ARK2C: variants seen among roughly 807,000 people sequenced by gnomAD.
ARK2C encodes arkadia (RNF111) C-terminal like ring finger ubiquitin ligase 2C.
chr18:46,377,197 A>G, the ARK2C span, among the ~76,000 whole-genome samples: 22 of 152,218 alleles, frequency 1.4e-4, no homozygotes, highest in Admixed American at 7.2e-4. Flanking sequence ...TATATAATGT[A>G]CCCCTTTTAA....
At chr18:46,389,313 G>A in the ARK2C span, among the ~76,000 whole-genome samples, 1 of 152,234 alleles carries the variant, frequency 6.6e-6, no homozygotes, top group East Asian at 1.9e-4. Context: ...ATTTACTTAT[G>A]TGCATCTTTC....
the ARK2C span, chr18:46,334,430 C>T: frequency 4.6e-6 from 5 of 1,089,190 alleles, no homozygotes; most frequent in African/African-American, 3.3e-5. This position sits in a 1 kb window ranked among gnomAD's most constrained non-coding sequence, Gnocchi z 4.4. Context: ...GGGCTCAGGG[C>T]ACACCCGCGA....
At chr18:46,402,075 G>T in the ARK2C span, among the ~76,000 whole-genome samples, 1 of 152,202 alleles carries the variant, frequency 6.6e-6, no homozygotes, top group Non-Finnish European at 1.5e-5. Context: ...GTTTTGTGAG[G>T]CAATCCACCC....
chr18:46,370,533 A>T, the ARK2C span, among the ~76,000 whole-genome samples: 1 of 152,122 alleles, frequency 6.6e-6, no homozygotes, highest in South Asian at 2.1e-4. Flanking sequence ...TAGGGAAAAC[A>T]TTGTGTTCAG....
At chr18:46,428,080 G>A in the ARK2C span, among the ~76,000 whole-genome samples, 3 of 152,120 alleles carry the variant, frequency 2.0e-5, no homozygotes, top group African/African-American at 7.2e-5. Context: ...GCTTGGAGGG[G>A]GTCTGTGGGA....
At chr18:46,422,415 A>G in the ARK2C span, among the ~76,000 whole-genome samples, 1 of 152,228 alleles carries the variant, frequency 6.6e-6, no homozygotes, top group African/African-American at 2.4e-5. Context: ...ACAGGAAACA[A>G]GATTCTGAGC....
the ARK2C span, among the ~76,000 whole-genome samples, chr18:46,417,832 C>T: frequency 4.0e-4 from 60 of 151,864 alleles, no homozygotes; most frequent in Admixed American, 1.4e-3. Context: ...GGTGAAACCC[C>T]GTCTCTACTA....
chr18:46,343,781 C>A, the ARK2C span, among the ~76,000 whole-genome samples: 1 of 152,176 alleles, frequency 6.6e-6, no homozygotes, highest in East Asian at 1.9e-4. Context: ...TCAGTAGGCA[C>A]GTGAACTTCC....
the ARK2C span, among the ~76,000 whole-genome samples, chr18:46,398,388 G>A: frequency 6.6e-6 from 1 of 151,916 alleles, no homozygotes. Flanking sequence ...TGAAGTGTGT[G>A]TCAAGTGCCC....
the ARK2C span, among the ~76,000 whole-genome samples, chr18:46,441,946 C>T: frequency 1.3e-5 from 2 of 149,346 alleles, no homozygotes; most frequent in African/African-American, 2.5e-5. Context: ...GGGCGGATCA[C>T]GAGGTCAGGG....
the ARK2C span, among the ~76,000 whole-genome samples, chr18:46,351,207 T>G: frequency 2.9e-3 from 448 of 152,306 alleles, 1 homozygote; most frequent in African/African-American, 0.01. Flanking sequence ...TAAATTAGAA[T>G]CATCTGGAAG....
chr18:46,426,261 T>C, the ARK2C span, among the ~76,000 whole-genome samples: 4 of 152,216 alleles, frequency 2.6e-5, no homozygotes, highest in East Asian at 1.9e-4. Context: ...ATTTCTACTT[T>C]GTTACTTATC....
chr18:46,380,140 C>A, the ARK2C span, among the ~76,000 whole-genome samples: 2 of 152,234 alleles, frequency 1.3e-5, no homozygotes, highest in Admixed American at 1.3e-4. Flanking sequence ...CTGCCTTCTT[C>A]TCCATCTTCG....
chr18:46,354,546 G>C, the ARK2C span, among the ~76,000 whole-genome samples: 1 of 152,198 alleles, frequency 6.6e-6, no homozygotes, highest in Non-Finnish European at 1.5e-5. Flanking sequence ...AGAGACTTGA[G>C]AGCTGGTTAG....
chr18:46,406,770 T>A, the ARK2C span, among the ~76,000 whole-genome samples: 1 of 152,204 alleles, frequency 6.6e-6, no homozygotes, highest in Admixed American at 6.5e-5. Context: ...CTGCTTCTGC[T>A]CCTCATCCTG....
chr18:46,357,176 G>T, the ARK2C span, among the ~76,000 whole-genome samples: 1 of 152,126 alleles, frequency 6.6e-6, no homozygotes, highest in Non-Finnish European at 1.5e-5. Flanking sequence ...CAATATGAAG[G>T]ACTCCTCGCT....
the ARK2C span, among the ~76,000 whole-genome samples, chr18:46,397,253 G>T: frequency 1.3e-5 from 2 of 152,178 alleles, no homozygotes; most frequent in African/African-American, 4.8e-5. Context: ...GTGAGGACTG[G>T]GGGTGGGAGG....
chr18:46,410,806 G>C, the ARK2C span, among the ~76,000 whole-genome samples: 1 of 152,168 alleles, frequency 6.6e-6, no homozygotes, highest in Non-Finnish European at 1.5e-5. Context: ...TTTAAGCATC[G>C]TTTCTTCAAT....
At chr18:46,353,178 G>C in the ARK2C span, among the ~76,000 whole-genome samples, 1,440 of 152,360 alleles carry the variant, frequency 9.5e-3, 5 homozygotes, top group Non-Finnish European at 0.014. Context: ...TAGAATGTTA[G>C]ATCTAAAAAT....
Sources: gnomAD v4.1 joint callset for allele counts (sites outside exome capture counted in the v4.1 genomes callset) on GRCh38, gnomAD v4.1.1 for gene constraint, Gnocchi (gnomAD v3.1) non-coding constraint, MANE v1.5 for transcripts, NCBI Gene and HGNC (gene_info 2026-07-23, HGNC 2026-07-21) for gene names.